The following CYP11A1 variants were observed in gnomAD, a reference collection of about 807,000 sequenced individuals.
CYP11A1 encodes cytochrome P450 family 11 subfamily A member 1.
In CYP11A1, 25 loss-of-function variants were observed where a neutral mutation model predicts 51.9. That is an observed-to-expected ratio of 0.48 (90% CI 0.35 to 0.67). The LOEUF (loss-of-function observed/expected upper bound fraction) is 0.67. CYP11A1 is among the 30% of genes least tolerant of loss of function. CYP11A1 has a pLI of 0.00. For missense variants in CYP11A1, 578 were observed against 680.9 expected, an observed-to-expected ratio of 0.85 and a Z score of 1.68; for synonymous variants, 245 against 262.1, an observed-to-expected ratio of 0.93 and a Z score of 0.63.
At position 74,339,263 on chromosome 15, in the gene CYP11A1, G is replaced by T. The variant is rs1321165216; in HGVS notation, c.1210C>A (p.Leu404Ile). 6.2e-7 allele frequency: 1 copy of T among 1,614,138 alleles called. No homozygotes were observed. The highest frequency in any genetic ancestry group is 1.7e-5 in the Admixed American group (1 of 60,032). The change falls in exon 7 of 9, where the codon CTT becomes ATT. Residue 404 changes from leucine to isoleucine, a missense_variant. Leu to Ile is a conservative substitution (Grantham distance 5). Transcript: ENST00000268053. ...TTGGCAGGAATCATGTAATCTCGAA[G>T]AACCAAGTCATTTACAAGATATCTC... ...LQRYLVNDLVLRDYMIPAKTL... is the reference protein window; with the variant it reads ...LQRYLVNDLVIRDYMIPAKTL...
At chr15:74,353,425 C>T (rs1364990578) in intron 1 of CYP11A1, among the ~76,000 whole-genome samples, 2 of 152,038 alleles carry the variant, frequency 1.3e-5, no homozygotes, top group Admixed American at 1.3e-4. Context: ...TATAGTTAAG[C>T]ATGAAGCTGG....
rs146830942 is a variant in CYP11A1 at position 74,338,670 on chromosome 15, C to T, written c.1335G>A (p.Lys445=). The T allele has an allele frequency of 1.1e-5, 18 of 1,614,190 alleles. No individual in the cohort carries two copies. The Admixed American group carries it at 3.0e-4, about 27-fold the overall frequency. The change falls in exon 8 of 9, where the codon AAG becomes AAA. Residue 445 remains lysine (K), a synonymous_variant. Transcript: ENST00000268053. The part of the protein sequence containing the change: ...FDPTRWLSKD[K]NITYFRNLGF... ...CCAAGTTCCGGAAGTAGGTGATGTT[C>T]TTGTCTTTGCTCAGCCATCGGGTTG... is the stretch of plus-strand genomic sequence containing the variant.
intron 1 of CYP11A1, chr15:74,366,273 C>T: frequency 1.1e-6 from 1 of 936,688 alleles, no homozygotes; most frequent in Non-Finnish European, 1.3e-6. Context: ...ATCTCCCTCC[C>T]CCGATTTTTT....
chr15:74,361,555 G>T, intron 1 of CYP11A1: 1 of 784,266 alleles, frequency 1.3e-6, no homozygotes, highest in Non-Finnish European at 2.2e-6. Flanking sequence ...ATCAGCCATG[G>T]TCAACCCCAC....
chr15:74,341,133 T>C (rs1318105693), intron 5 of CYP11A1, among the ~76,000 whole-genome samples: 3 of 152,246 alleles, frequency 2.0e-5, no homozygotes, highest in South Asian at 4.2e-4. Flanking sequence ...ACTTTCCTCA[T>C]CTGAAAAAGG....
Position 74,343,777 on chromosome 15 carries a change from A to C in CYP11A1, c.829+12T>G. The stretch of plus-strand genomic sequence containing the variant: ...GCTCCGAGGAGGAGAGCACAGCCAG[A>C]GAAGCCCTCACCTTTACTGAAAATC... On this transcript the variant is annotated intron_variant, in intron 4 of 8. Coordinates refer to ENST00000268053, the MANE Select transcript of CYP11A1 (RefSeq NM_000781.3). 1 of 1,610,302 alleles carries C rather than the reference A, an allele frequency of 6.2e-7. No individual in the cohort carries two copies. Among genetic ancestry groups the C allele is most frequent in the Non-Finnish European group, 8.5e-7 (1 of 1,178,180 alleles).
rs371456406 is a variant in CYP11A1 at position 74,344,044 on chromosome 15, A to G, written c.626-52T>C. ...GCCATTTCTGACGGGGCCATCTGAG[A>G]GCCACAACTCCCAGGGACTCCTCCA... is the stretch of plus-strand genomic sequence containing the variant. On this transcript the variant is annotated intron_variant, in intron 3 of 8. Coordinates refer to ENST00000268053, the MANE Select transcript of CYP11A1 (RefSeq NM_000781.3). 1.9e-5 allele frequency: 29 copies of G among 1,513,680 alleles called. No individual in the cohort carries two copies. In the Middle Eastern group the frequency reaches 9.0e-4, roughly 47 times the overall value. The allele number at this position is 1,513,680 out of a possible 1,614,324, so 93.8% of individuals were successfully genotyped here.
At chr15:74,340,702 CG>C (rs2060602681) in intron 5 of CYP11A1, among the ~76,000 whole-genome samples, 1 of 152,020 alleles carries the variant, frequency 6.6e-6, no homozygotes, top group African/African-American at 2.4e-5. Context: ...TTTTCAGATG[CG>C]GAAACTGAAA....
intron 4 of CYP11A1, 131 bp downstream of exon 4, chr15:74,343,658 C>A: frequency 1.2e-6 from 1 of 827,328 alleles, no homozygotes; most frequent in Non-Finnish European, 2.1e-6. Flanking sequence ...GCCTTCCTGA[C>A]ACCCACGCCT....
chr15:74,345,259 C>G lies in CYP11A1; in HGVS notation c.426-16G>C. On this transcript the variant is annotated splice_polypyrimidine_tract_variant and intron_variant, in intron 2 of 8. Transcript: ENST00000268053. The surrounding 1 kb of genome is among the most constrained non-coding windows in gnomAD (Gnocchi z 4.3). The stretch of plus-strand genomic sequence containing the variant: ...TGCCGACTTCCTGAGAAAACATGGG[C>G]CCACAAGCCCTCATGGTCACAGACC... 6.2e-7 allele frequency: 1 copy of G among 1,614,064 alleles called. No homozygotes were observed. The highest frequency in any genetic ancestry group is 2.2e-5 in the East Asian group (1 of 44,868).
Position 74,366,901 on chromosome 15 carries a change from A to C in CYP11A1, c.269+416T>G, listed in dbSNP as rs142903306. ...CAGCTAATTTTTGTATTTTTAGTAG[A>C]GACGGGGTTTCATCATGTTGGCCAG... On this transcript the variant is annotated intron_variant, in intron 1 of 8. Transcript: ENST00000268053. 5.0e-3 allele frequency: 952 copies of C among 189,320 alleles called. 8 individuals carry two copies. The highest frequency in any genetic ancestry group is 0.022 in the South Asian group (226 of 10,172). 11.7% of individuals were successfully genotyped at this position (189,320 alleles called of 1,614,324 possible).
chr15:74,347,437 G>A (rs942750202), intron 2 of CYP11A1, among the ~76,000 whole-genome samples: 5 of 152,064 alleles, frequency 3.3e-5, no homozygotes, highest in Admixed American at 2.6e-4. Flanking sequence ...GAACAATTTC[G>A]TAGAAAACAG....
intron 1 of CYP11A1, chr15:74,365,833 G>C (rs2060729730): frequency 1.0e-6 from 1 of 985,522 alleles, no homozygotes; most frequent in Non-Finnish European, 1.2e-6. Context: ...GCCGGGCAGA[G>C]AAACGCATAC....
At chr15:74,366,362 C>A in intron 1 of CYP11A1, 1 of 645,796 alleles carries the variant, frequency 1.5e-6, no homozygotes, top group Non-Finnish European at 1.9e-6. Flanking sequence ...CGGCTCACTG[C>A]AACCTCCACC....
In CYP11A1 at chr15:74,345,299, C is replaced by T. The variant is rs1380219072; in HGVS notation, c.426-56G>A. On this transcript the variant is annotated intron_variant, in intron 2 of 8. Transcript: ENST00000268053. The surrounding 1 kb of genome is among the most constrained non-coding windows in gnomAD (Gnocchi z 4.3). ...GGTCACAGACCCCAGGCCTGGTGAA[C>T]ACAGAGGGGGCTGACTCAGTTTTCC... is the stretch of plus-strand genomic sequence containing the variant. The T allele has an allele frequency of 1.7e-5, 27 of 1,594,184 alleles. No homozygotes were observed. The highest frequency in any genetic ancestry group is 2.3e-5 in the Non-Finnish European group (27 of 1,162,820).
rs759453073 is a variant in CYP11A1, at chr15:74,339,277, A to G, written c.1196T>C (p.Val399Ala). The G allele has an allele frequency of 6.2e-7, 1 of 1,614,216 alleles. No individual in the cohort carries two copies. Among genetic ancestry groups the G allele is most frequent in the East Asian group, 2.2e-5 (1 of 44,874 alleles). ...GTAATCTCGAAGAACCAAGTCATTT[A>G]CAAGATATCTCTGCAGGGTCACGGA... ...PISVTLQRYL[V>A]NDLVLRDYMI... Residue 399 changes from valine to alanine, a missense_variant, in exon 7 of 9, where the codon GTA (valine) becomes GCA (alanine). By Grantham distance (64) the Val-to-Ala change is moderately conservative. Coordinates refer to ENST00000268053, the MANE Select transcript of CYP11A1 (RefSeq NM_000781.3).
At chr15:74,357,921 C>T (rs1246840905) in intron 1 of CYP11A1, among the ~76,000 whole-genome samples, 3 of 152,232 alleles carry the variant, frequency 2.0e-5, no homozygotes, top group African/African-American at 7.2e-5. Flanking sequence ...CTGCCCCGCT[C>T]CACTACCTCT....
At chr15:74,340,826 TC>T (rs1433970015) in intron 5 of CYP11A1, among the ~76,000 whole-genome samples, 1 of 151,632 alleles carries the variant, frequency 6.6e-6, no homozygotes, top group African/African-American at 2.4e-5. Flanking sequence ...TGCCTGCTGC[TC>T]CCCAATACCC....
Position 74,367,396 on chromosome 15 carries a change from G to T in CYP11A1, c.190C>A (p.His64Asn), listed in dbSNP as rs1386132842. Residue 64 changes from histidine (H) to asparagine (N), a missense_variant, in exon 1 of 9, where the codon CAT becomes AAT. His to Asn is a moderately conservative substitution (Grantham distance 68). Transcript: ENST00000268053. The part of the protein sequence containing the change: ...PGDNGWLNLY[H>N]FWRETGTHKV... ...TGTGTGCCCGTCTCCCTCCAGAAAT[G>T]GTACAGGTTTAGCCAGCCATTGTCA... 6.2e-7 allele frequency: 1 copy of T among 1,614,192 alleles called. No homozygotes were observed. The highest frequency in any genetic ancestry group is 1.7e-5 in the Admixed American group (1 of 60,020).
Sources: gnomAD v4.1 joint callset for allele counts (sites outside exome capture counted in the v4.1 genomes callset) on GRCh38, gnomAD v4.1.1 for gene constraint, Gnocchi (gnomAD v3.1) non-coding constraint, MANE v1.5 for transcripts, NCBI Gene and HGNC (gene_info 2026-07-23, HGNC 2026-07-21) for gene names.